ADGRB3: variants seen among roughly 807,000 people sequenced by gnomAD.
ADGRB3 encodes the protein brain-specific angiogenesis inhibitor 3.
Under a neutral mutation model 193.4 loss-of-function variants are expected in ADGRB3, and 37 were observed. The ratio of observed to expected loss-of-function variants is 0.19; its 90% CI spans 0.15 to 0.25. The LOEUF is 0.25. ADGRB3 is among the 10% of genes least tolerant of loss of function. The pLI is 1.00. For missense variants in ADGRB3, 1,637 were observed against 1,852.9 expected, an observed-to-expected ratio of 0.88 and a Z score of 2.14; for synonymous variants, 690 against 644.2, an observed-to-expected ratio of 1.07 and a Z score of -1.08.
At position 69,230,611 on chromosome 6, in the gene ADGRB3, T is replaced by TA. The variant is rs564761115; in HGVS notation, c.2481-2671dup. Among the ~76,000 whole-genome samples, 23 of 152,104 alleles carry TA rather than the reference T, an allele frequency of 1.5e-4. No homozygotes were observed. The South Asian group carries it at 3.5e-3, about 23-fold the overall frequency. On this transcript the variant is annotated intron_variant, in intron 17 of 31. Transcript: ENST00000370598. Reference sequence around the variant, plus strand: ...AATAGTTATATGTATGCTAGTGAGTTAAAAAAAACTCTCATGAGTTTTATA... The same window carrying TA: ...AATAGTTATATGTATGCTAGTGAGTTAAAAAAAAACTCTCATGAGTTTTATA...
intron 3 of ADGRB3, among the ~76,000 whole-genome samples, chr6:68,747,143 T>C (rs1300906909): frequency 6.6e-6 from 1 of 152,212 alleles, no homozygotes; most frequent in East Asian, 1.9e-4. Context: ...TATATATTCA[T>C]TACAGGAAAA....
At chr6:68,843,047 A>ACAG (rs1768192823) in intron 3 of ADGRB3, among the ~76,000 whole-genome samples, 3 of 72,206 alleles carry the variant, frequency 4.2e-5, no homozygotes, top group South Asian at 6.8e-4. Flanking sequence ...GCCATATACA[A>ACAG]CAACAAAAAA....
In ADGRB3 at chr6:69,339,323, G is replaced by T. The variant is rs1006902585; in HGVS notation, c.3288-10G>T. The T allele has an allele frequency of 5.0e-6, 8 of 1,612,278 alleles. No homozygotes were observed. The highest frequency in any genetic ancestry group is 2.2e-5 in the East Asian group (1 of 44,856). ...ATAGCTACGTAATGTTACTTTCTTG[G>T]TCTCAACAGGGCGTCTCTTTGGAGC... On this transcript the variant is annotated splice_polypyrimidine_tract_variant and intron_variant, in intron 25 of 31. Coordinates refer to ENST00000370598, the MANE Select transcript of ADGRB3 (RefSeq NM_001704.3).
chr6:69,063,187 AATG>A, intron 16 of ADGRB3, 151 bp downstream of exon 16: 2 of 529,846 alleles, frequency 3.8e-6, no homozygotes, highest in Non-Finnish European at 6.6e-6. Flanking sequence ...AAAGAAACAG[AATG>A]ATTATTCTAT....
chr6:68,865,486 G>A (rs934694925), intron 3 of ADGRB3, among the ~76,000 whole-genome samples: 3 of 152,054 alleles, frequency 2.0e-5, no homozygotes, highest in African/African-American at 7.2e-5. Flanking sequence ...TGCATGCTTT[G>A]AAGGGTCCTG....
At chr6:69,138,632 A>G (rs1484136031) in intron 17 of ADGRB3, among the ~76,000 whole-genome samples, 1 of 152,218 alleles carries the variant, frequency 6.6e-6, no homozygotes, top group Non-Finnish European at 1.5e-5. Context: ...ATTATCAGGT[A>G]CAATAAATGC....
At chr6:69,043,334 G>GGAAGGAAGGAAGAAAGAAAGAA (rs1208856464) in intron 13 of ADGRB3, among the ~76,000 whole-genome samples, 23 of 110,100 alleles carry the variant, frequency 2.1e-4, no homozygotes, top group African/African-American at 6.0e-4. Context: ...GAAAGAAAGA[G>GGAAGGAAGGAAGAAAGAAAGAA]AAAGAAAAGA....
At chr6:68,661,292 A>AAT (rs199564831) in intron 3 of ADGRB3, among the ~76,000 whole-genome samples, 142 of 139,050 alleles carry the variant, frequency 1.0e-3, no homozygotes, top group African/African-American at 3.7e-3. Context: ...AGGTGGCCAA[A>AAT]ATATATATAT....
intron 17 of ADGRB3, among the ~76,000 whole-genome samples, chr6:69,086,009 T>C (rs1772540621): frequency 6.6e-6 from 1 of 151,932 alleles, no homozygotes; most frequent in Admixed American, 6.6e-5. Flanking sequence ...AAACCTTCTG[T>C]TTAATGATTT....
At chr6:69,159,807 A>T (rs1480408129) in intron 17 of ADGRB3, among the ~76,000 whole-genome samples, 4 of 152,142 alleles carry the variant, frequency 2.6e-5, no homozygotes, top group Non-Finnish European at 5.9e-5. Flanking sequence ...TTCCACATGG[A>T]CATCTCTTGA....
chr6:68,807,956 A>C (rs1251704182), intron 3 of ADGRB3, among the ~76,000 whole-genome samples: 1 of 152,160 alleles, frequency 6.6e-6, no homozygotes, highest in East Asian at 1.9e-4. Context: ...AGGGTGTCTC[A>C]CTTCAGAGAT....
rs146235639 is a variant in ADGRB3, at chr6:68,883,582, G to T, written c.758-46977G>T. On this transcript the variant is annotated intron_variant, in intron 3 of 31. Coordinates refer to ENST00000370598, the MANE Select transcript of ADGRB3 (RefSeq NM_001704.3). ...AGCGAGACCACGAACTCACTGGGAG[G>T]AGTGAACAACTCTGGACTGGAGGAA... Among the ~76,000 whole-genome samples the T allele has an allele frequency of 4.6e-5, 7 of 152,266 alleles. No individual in the cohort carries two copies. The East Asian group carries it at 1.4e-3, about 29-fold the overall frequency.
intron 4 of ADGRB3, among the ~76,000 whole-genome samples, chr6:68,931,684 A>G (rs572925836): frequency 6.6e-6 from 1 of 152,272 alleles, no homozygotes; most frequent in African/African-American, 2.4e-5. Context: ...TGTTCTTAAG[A>G]TAATAGTTTT....
At chr6:69,373,730 G>C (rs1487812451) in intron 30 of ADGRB3, among the ~76,000 whole-genome samples, 1 of 151,928 alleles carries the variant, frequency 6.6e-6, no homozygotes, top group African/African-American at 2.4e-5. Flanking sequence ...TAGAGGATCA[G>C]ACTGTATATA....
chr6:69,330,496 T>C lies in ADGRB3; in HGVS notation c.3036-10T>C. 2 of 1,601,384 alleles carry C rather than the reference T, an allele frequency of 1.2e-6. No individual in the cohort carries two copies. Among genetic ancestry groups the C allele is most frequent in the Non-Finnish European group, 8.5e-7 (1 of 1,172,836 alleles). ...AATTTTTGTTAGTTCTTATCTAATGTCATTTTCAGCTGCTGGCTCTCTCTT... is the reference window on the plus strand; with the variant it reads ...AATTTTTGTTAGTTCTTATCTAATGCCATTTTCAGCTGCTGGCTCTCTCTT... On this transcript the variant is annotated splice_polypyrimidine_tract_variant and intron_variant, in intron 22 of 31. Transcript: ENST00000370598.
At chr6:68,648,051 C>G (rs1415065251) in intron 3 of ADGRB3, among the ~76,000 whole-genome samples, 1 of 152,084 alleles carries the variant, frequency 6.6e-6, no homozygotes, top group Non-Finnish European at 1.5e-5. Context: ...GCCACAGGCT[C>G]TACATTCAAT....
intron 17 of ADGRB3, among the ~76,000 whole-genome samples, chr6:69,152,160 T>A (rs1206386859): frequency 6.6e-6 from 1 of 152,230 alleles, no homozygotes; most frequent in Admixed American, 6.5e-5. Flanking sequence ...GTACATTTTA[T>A]ATTCTTTTTG....
intron 20 of ADGRB3, among the ~76,000 whole-genome samples, chr6:69,309,384 T>C (rs1338835289): frequency 6.6e-6 from 1 of 151,724 alleles, no homozygotes; most frequent in Non-Finnish European, 1.5e-5. Context: ...TTTGCCGTAG[T>C]CATGCATTAA....
At chr6:69,332,818 A>AGT (rs1247801835) in intron 23 of ADGRB3, 105 bp from the exon 24 acceptor site, 26 of 1,503,534 alleles carry the variant, frequency 1.7e-5, no homozygotes, top group Non-Finnish European at 2.2e-5. Flanking sequence ...TACCACTACT[A>AGT]GTGATACGGT....
Sources: allele counts gnomAD v4.1 joint callset (sites outside exome capture counted in the v4.1 genomes callset), GRCh38; gene constraint gnomAD v4.1.1; transcripts MANE v1.5; gene names NCBI Gene and HGNC (gene_info 2026-07-23, HGNC 2026-07-21).